The following CLHC1 variants were observed in gnomAD, a reference collection of about 807,000 sequenced individuals.
The protein encoded by CLHC1 is clathrin heavy chain linker domain containing 1.
A neutral mutation model predicts 69.5 loss-of-function variants in CLHC1; 72 were observed. The ratio of observed to expected loss-of-function variants is 1.04; its 90% CI spans 0.86 to 1.26. The LOEUF is 1.26. CLHC1 is among the 50% of genes most tolerant of loss of function. The pLI is 0.00. For missense variants in CLHC1, 790 were observed against 679.3 expected (o/e 1.16, Z -1.81); for synonymous variants, 223 against 224.3 (o/e 0.99, Z 0.05).
intron 9 of CLHC1, among the ~76,000 whole-genome samples, chr2:55,183,234 T>C (rs1670088494): frequency 6.6e-6 from 1 of 152,180 alleles, no homozygotes; most frequent in Non-Finnish European, 1.5e-5. Flanking sequence ...GAGATTGCAG[T>C]TTCTATTTAG....
chr2:55,223,773 C>T (rs1050471329), intron 2 of CLHC1, among the ~76,000 whole-genome samples: 24 of 152,108 alleles, frequency 1.6e-4, no homozygotes, highest in African/African-American at 5.3e-4. Flanking sequence ...GGGTCAGGTT[C>T]ACGCACACCC....
In CLHC1 at chr2:55,173,922, T is replaced by A. The variant is rs1669163364; in HGVS notation, c.*1868A>T. ...TTTCTCTAGATTTATATACCTACTT[T>A]ATCCTCCTGGCTTTCATGAAGACAT... On this transcript the variant is annotated 3_prime_UTR_variant, in exon 13 of 13. Transcript: ENST00000401408. 6.6e-6 allele frequency among the ~76,000 whole-genome samples: 1 copy of A among 152,148 alleles called. No individual in the cohort carries two copies.
At chr2:55,189,583 C>A (rs1219646984) in intron 9 of CLHC1, among the ~76,000 whole-genome samples, 2 of 152,108 alleles carry the variant, frequency 1.3e-5, no homozygotes, top group Admixed American at 1.3e-4. Context: ...CAGTTAGAGT[C>A]TGAGTTCCTG....
chr2:55,188,537 T>C (rs956916731), intron 9 of CLHC1, among the ~76,000 whole-genome samples: 1 of 152,158 alleles, frequency 6.6e-6, no homozygotes, highest in African/African-American at 2.4e-5. Flanking sequence ...GGAAAATGTT[T>C]GTTATTATCT....
intron 5 of CLHC1, among the ~76,000 whole-genome samples, chr2:55,211,502 CAAAAAA>C (rs35216255): frequency 1.2e-5 from 1 of 82,262 alleles, no homozygotes; most frequent in Non-Finnish European, 2.4e-5. Flanking sequence ...ACTATGTCTC[CAAAAAA>C]AAAAAAAAAA....
intron 1 of CLHC1, among the ~76,000 whole-genome samples, chr2:55,231,259 A>G (rs929556318): frequency 6.6e-6 from 1 of 152,072 alleles, no homozygotes; most frequent in South Asian, 2.1e-4. Context: ...CACGAAAAAA[A>G]AAAAAAAAAG....
rs1455508394 is a variant in CLHC1 at position 55,228,099 on chromosome 2, A to G, written c.-150T>C. ...ATTCCCTTAAAATTGGTCAGATGCC[A>G]CTGCTATGTTCTCCCATAATACTGT... is the stretch of plus-strand genomic sequence containing the variant. On this transcript the variant is annotated 5_prime_UTR_variant, in exon 2 of 13. Transcript: ENST00000401408. 6.6e-6 allele frequency: 1 copy of G among 152,220 alleles called. No individual in the cohort carries two copies. The highest frequency in any genetic ancestry group is 2.4e-5 in the African/African-American group (1 of 41,432). The allele number at this position is 152,220 out of a possible 1,614,324, so 9.4% of individuals were successfully genotyped here.
chr2:55,185,159 C>T (rs1056952398), intron 9 of CLHC1, among the ~76,000 whole-genome samples: 5 of 152,040 alleles, frequency 3.3e-5, no homozygotes, highest in African/African-American at 1.2e-4. Context: ...AGAGTAGAAA[C>T]TAGCATAGCA....
intron 4 of CLHC1, among the ~76,000 whole-genome samples, chr2:55,214,171 G>C (rs1391576915): frequency 6.6e-6 from 1 of 152,196 alleles, no homozygotes; most frequent in Admixed American, 6.5e-5. Flanking sequence ...ATCAGGAAGA[G>C]AATTTTTGTC....
chr2:55,210,438 C>T (rs1297899744), intron 5 of CLHC1, among the ~76,000 whole-genome samples: 1 of 151,732 alleles, frequency 6.6e-6, no homozygotes, highest in East Asian at 2.0e-4. Flanking sequence ...TCAAGTGATT[C>T]GCTCGCCTCG....
At chr2:55,208,334 T>C (rs1672637867) in intron 8 of CLHC1, among the ~76,000 whole-genome samples, 1 of 152,338 alleles carries the variant, frequency 6.6e-6, no homozygotes, top group South Asian at 2.1e-4. Context: ...CAATTTTATA[T>C]AATATTTCTA....
At chr2:55,207,810 A>C (rs1444028905) in intron 8 of CLHC1, among the ~76,000 whole-genome samples, 1 of 152,224 alleles carries the variant, frequency 6.6e-6, no homozygotes, top group Non-Finnish European at 1.5e-5. Context: ...AAAGAGCTGA[A>C]GTAAATACGG....
chr2:55,186,108 T>C lies in CLHC1; in HGVS notation c.1007-4364A>G, dbSNP rs374168034. On this transcript the variant is annotated intron_variant, in intron 9 of 12. Transcript: ENST00000401408. ...GGCTATATCTTTCCCTCTCCTTAGATAAAATAAAACAACCTACATCCACAG... is the reference window on the plus strand; with the variant it reads ...GGCTATATCTTTCCCTCTCCTTAGACAAAATAAAACAACCTACATCCACAG... 2.0e-4 allele frequency among the ~76,000 whole-genome samples: 31 copies of C among 152,248 alleles called. No homozygotes were observed. The East Asian group carries it at 5.6e-3, about 27-fold the overall frequency.
chr2:55,229,643 C>T (rs1341055031), intron 1 of CLHC1, among the ~76,000 whole-genome samples: 3 of 152,250 alleles, frequency 2.0e-5, no homozygotes, highest in Admixed American at 1.3e-4. Flanking sequence ...AGGAGCAACA[C>T]TGGACTGTGG....
At chr2:55,224,269 C>G in intron 2 of CLHC1, 1 of 384,374 alleles carries the variant, frequency 2.6e-6, no homozygotes, top group Admixed American at 2.9e-5. Flanking sequence ...ATTCCACAGT[C>G]AAAGGAGCTG....
At chr2:55,185,052 C>T (rs1573610242) in intron 9 of CLHC1, among the ~76,000 whole-genome samples, 1 of 151,822 alleles carries the variant, frequency 6.6e-6, no homozygotes, top group East Asian at 1.9e-4. Flanking sequence ...CACACACATT[C>T]AATTTTAGTT....
In CLHC1 at chr2:55,222,510, G is replaced by T; in HGVS notation, c.-82-17C>A. 3.8e-6 allele frequency: 3 copies of T among 791,742 alleles called. No individual in the cohort carries two copies. Among genetic ancestry groups the T allele is most frequent in the South Asian group, 2.1e-5 (1 of 48,216 alleles). 49.0% of individuals were successfully genotyped at this position (791,742 alleles called of 1,614,324 possible). ...TTGATAAGCCTGAAAGAAAAAAAGAGCATCAATTAATATAATAATTTTTTA... is the reference window on the plus strand; with the variant it reads ...TTGATAAGCCTGAAAGAAAAAAAGATCATCAATTAATATAATAATTTTTTA... On this transcript the variant is annotated splice_polypyrimidine_tract_variant and intron_variant, in intron 2 of 12. Transcript: ENST00000401408.
At chr2:55,180,423 G>T in intron 11 of CLHC1, 87 bp downstream of exon 11, 1 of 938,132 alleles carries the variant, frequency 1.1e-6, no homozygotes, top group Non-Finnish European at 1.7e-6. Flanking sequence ...TATAACGTAA[G>T]TTTAAAGTAG....
intron 11 of CLHC1, 69 bp from the exon 12 acceptor site, chr2:55,177,850 G>A: frequency 8.7e-7 from 1 of 1,154,330 alleles, no homozygotes; most frequent in Non-Finnish European, 1.2e-6. Flanking sequence ...ACTAGGACTA[G>A]CTAATGTCTA....
Sources: allele counts gnomAD v4.1 joint callset (sites outside exome capture counted in the v4.1 genomes callset), GRCh38; gene constraint gnomAD v4.1.1; transcripts MANE v1.5; gene names NCBI Gene and HGNC (gene_info 2026-07-23, HGNC 2026-07-21).